Variants in MCFD2 observed in about 807,000 individuals in gnomAD.
The protein encoded by MCFD2 is multiple coagulation factor deficiency protein 2.
In MCFD2, 11 loss-of-function variants were observed where a neutral mutation model predicts 12.8. That is an observed-to-expected ratio of 0.86 (90% CI 0.54 to 1.42). MCFD2 has a LOEUF of 1.42. Among genes scored for constraint, MCFD2 ranks in the 40% most tolerant of loss-of-function variants. The probability of loss-of-function intolerance (pLI) is 0.00; values close to 1 mark genes in which losing one functional copy is unlikely to be tolerated. For missense variants in MCFD2, 191 were observed against 178.6 expected, an observed-to-expected ratio of 1.07 and a Z score of -0.40; for synonymous variants, 70 against 68.1, an observed-to-expected ratio of 1.03 and a Z score of -0.14.
At chr2:46,919,752 GA>G (rs1669002061), upstream of MCFD2, among the ~76,000 whole-genome samples, 1 of 152,114 alleles carries the variant, frequency 6.6e-6, no homozygotes, top group Non-Finnish European at 1.5e-5. Flanking sequence ...ACAAGTAGAG[GA>G]AAAAACAAGG....
rs1411617679 is a variant in MCFD2 at position 46,902,353 on chromosome 2, T to C, written c.*3110A>G. 6.6e-6 allele frequency: 1 copy of C among 152,664 alleles called. No homozygotes were observed. Among genetic ancestry groups the C allele is most frequent in the Non-Finnish European group, 1.5e-5 (1 of 68,038 alleles). 9.5% of individuals were successfully genotyped at this position (152,664 alleles called of 1,614,324 possible). Reference sequence around the variant, plus strand: ...TTGTTTGGTGAATTATCTTTTCACTTCCTACTTAGGCTAGGCCAGGTGGTA... The same window carrying C: ...TTGTTTGGTGAATTATCTTTTCACTCCCTACTTAGGCTAGGCCAGGTGGTA... On this transcript the variant is annotated 3_prime_UTR_variant, in exon 4 of 4. Coordinates refer to ENST00000319466, the MANE Select transcript of MCFD2 (RefSeq NM_139279.6).
intron 1 of MCFD2, among the ~76,000 whole-genome samples, chr2:46,927,655 C>G (rs116316838): frequency 1.3e-5 from 2 of 150,812 alleles, no homozygotes; most frequent in African/African-American, 4.9e-5. Context: ...CTACCGCGCC[C>G]GGCAAAAAAA....
At chr2:46,931,275 A>C (rs1042284147) in intron 1 of MCFD2, among the ~76,000 whole-genome samples, 2 of 152,220 alleles carry the variant, frequency 1.3e-5, no homozygotes, top group Non-Finnish European at 2.9e-5. Context: ...AAATATAGAC[A>C]GGGTCTGGCT....
At chr2:46,929,698 G>A (rs1228379501) in intron 1 of MCFD2, among the ~76,000 whole-genome samples, 1 of 152,142 alleles carries the variant, frequency 6.6e-6, no homozygotes, top group Non-Finnish European at 1.5e-5. Flanking sequence ...GAAAATTAAT[G>A]AGCTGAGATT....
upstream of MCFD2, chr2:46,917,155 A>G (rs1347302364): frequency 1.4e-6 from 1 of 700,128 alleles, no homozygotes; most frequent in South Asian, 1.5e-5. Flanking sequence ...AAATCCCATA[A>G]TCCCTAATTT....
intron 1 of MCFD2, among the ~76,000 whole-genome samples, chr2:46,923,102 C>T (rs931150002): frequency 2.6e-5 from 4 of 152,226 alleles, no homozygotes; most frequent in African/African-American, 9.6e-5. Context: ...GAGTGCACCA[C>T]CCTCCTGGCC....
chr2:46,915,728 C>G lies in MCFD2; in HGVS notation c.-12G>C. 1.0e-6 allele frequency: 1 copy of G among 975,052 alleles called. No individual in the cohort carries two copies. The highest frequency in any genetic ancestry group is 5.3e-4 in the Middle Eastern group (1 of 1,892). 60.4% of individuals were successfully genotyped at this position (975,052 alleles called of 1,614,324 possible). On this transcript the variant is annotated 5_prime_UTR_variant, in exon 1 of 4. Transcript: ENST00000319466. ...GAGTGCGCTAGTTCACTCACCCTTA[C>G]GGTCTCCGAAGCAGACGCGAAGCCC...
upstream of MCFD2, among the ~76,000 whole-genome samples, chr2:46,919,814 A>C (rs1572631405): frequency 6.6e-6 from 1 of 152,334 alleles, no homozygotes; most frequent in Non-Finnish European, 1.5e-5. Context: ...GCCACCAAAG[A>C]AACTGCAGTT....
Position 46,902,493 on chromosome 2 carries a change from C to T in MCFD2, c.*2970G>A, listed in dbSNP as rs1236782050. ...AGCTAAACCACTATTGATTAGAGAA[C>T]ACACTCAAATTCAGGGTCTCTCCCA... On this transcript the variant is annotated 3_prime_UTR_variant, in exon 4 of 4. Transcript: ENST00000319466. The T allele has an allele frequency of 6.6e-6, 1 of 152,622 alleles. No individual in the cohort carries two copies. The highest frequency in any genetic ancestry group is 1.5e-5 in the Non-Finnish European group (1 of 68,048). The allele number at this position is 152,622 out of a possible 1,614,324, so 9.5% of individuals were successfully genotyped here.
chr2:46,940,108 A>G lies in MCFD2; in HGVS notation c.-8+1464T>C, dbSNP rs1300682140. On this transcript the variant is annotated intron_variant, in intron 1 of 2. Transcript: ENST00000409147. This position sits in a 1 kb window ranked among gnomAD's most constrained non-coding sequence, Gnocchi z 4.7. ...TCAACTAATCACCCTGTGTGGCTTC[A>G]TGTGAAAGGCCACACGGGACTATGC... 1.3e-5 allele frequency among the ~76,000 whole-genome samples: 2 copies of G among 152,078 alleles called. No homozygotes were observed. The highest frequency in any genetic ancestry group is 2.9e-5 in the Non-Finnish European group (2 of 68,008).
At chr2:46,921,638 C>T (rs964466246) in intron 1 of MCFD2, among the ~76,000 whole-genome samples, 2 of 152,204 alleles carry the variant, frequency 1.3e-5, no homozygotes, top group East Asian at 1.9e-4. Context: ...AAAAAAGGAT[C>T]TGTAAGACAG....
chr2:46,920,279 GTTGT>G (rs1263813040), upstream of MCFD2, among the ~76,000 whole-genome samples: 4 of 151,994 alleles, frequency 2.6e-5, no homozygotes, highest in Non-Finnish European at 5.9e-5. Flanking sequence ...TCATGTTGTT[GTTGT>G]TTGGAGTTTT....
chr2:46,936,525 G>GT (rs1669987187), intron 1 of MCFD2, among the ~76,000 whole-genome samples: 1 of 152,242 alleles, frequency 6.6e-6, no homozygotes, highest in South Asian at 2.1e-4. Flanking sequence ...AGGCTGGGGG[G>GT]TCCTGAGCCA....
rs1670103451 is a variant in MCFD2, at chr2:46,938,777, G to A, written c.-8+2795C>T. Among the ~76,000 whole-genome samples, 3 of 152,274 alleles carry A rather than the reference G, an allele frequency of 2.0e-5. No homozygotes were observed. In the South Asian group the frequency reaches 6.2e-4, roughly 32 times the overall value. On this transcript the variant is annotated intron_variant, in intron 1 of 2. Coordinates refer to the MCFD2 transcript ENST00000409147. The stretch of plus-strand genomic sequence containing the variant: ...GCCTGTAATCCCAGCACTTTGGGAG[G>A]CCAAGGCGGGCAGATCATGAGGTCA...
intron 1 of MCFD2, among the ~76,000 whole-genome samples, chr2:46,925,595 A>G (rs916554426): frequency 6.6e-6 from 1 of 152,164 alleles, no homozygotes; most frequent in African/African-American, 2.4e-5. Context: ...CCTGGTCAGA[A>G]TAAATTAACC....
rs1020133643 is a variant in MCFD2, at chr2:46,940,585, T to C, written c.-8+987A>G. ...AAGAAATAAATAAATACCAAGGTGG[T>C]GAAACAGCCTAAAGCCTTTAAGAAA... On this transcript the variant is annotated intron_variant, in intron 1 of 2. Coordinates refer to the MCFD2 transcript ENST00000409147. This position sits in a 1 kb window ranked among gnomAD's most constrained non-coding sequence, Gnocchi z 4.7. Among the ~76,000 whole-genome samples, 2 of 152,206 alleles carry C rather than the reference T, an allele frequency of 1.3e-5. No homozygotes were observed. Among genetic ancestry groups the C allele is most frequent in the Non-Finnish European group, 2.9e-5 (2 of 68,036 alleles).
intron 1 of MCFD2, among the ~76,000 whole-genome samples, chr2:46,939,010 CA>C (rs1190579295): frequency 0.12 from 9,260 of 76,928 alleles, 475 homozygotes; most frequent in African/African-American, 0.25. Context: ...GACTCTGTCT[CA>C]AAAAAAAAAA....
intron 1 of MCFD2, among the ~76,000 whole-genome samples, chr2:46,927,655 C>T (rs116316838): frequency 2.0e-3 from 306 of 150,926 alleles, no homozygotes; most frequent in African/African-American, 6.6e-3. Context: ...CTACCGCGCC[C>T]GGCAAAAAAA....
In MCFD2 at chr2:46,902,131, G is replaced by C. The variant is rs552679014; in HGVS notation, c.*3332C>G. 6.6e-6 allele frequency: 1 copy of C among 152,482 alleles called. No homozygotes were observed. Among genetic ancestry groups the C allele is most frequent in the Non-Finnish European group, 1.5e-5 (1 of 68,004 alleles). The allele number at this position is 152,482 out of a possible 1,614,324, so 9.4% of individuals were successfully genotyped here. A position where few individuals can be genotyped will look rare whatever the true frequency, so the allele number is the denominator to read the frequency against. ...CGTTTCAGGTTTTCTATTACAGAAC[G>C]TCCATCACATCCAATAAACCAAATT... is the stretch of plus-strand genomic sequence containing the variant. On this transcript the variant is annotated 3_prime_UTR_variant, in exon 4 of 4. Coordinates refer to ENST00000319466, the MANE Select transcript of MCFD2 (RefSeq NM_139279.6).
Sources: allele counts gnomAD v4.1 joint callset (sites outside exome capture counted in the v4.1 genomes callset), GRCh38; gene constraint gnomAD v4.1.1; non-coding constraint Gnocchi (gnomAD v3.1); transcripts MANE v1.5; gene names NCBI Gene and HGNC (gene_info 2026-07-23, HGNC 2026-07-21).